Variants in PTPRO observed in about 807,000 individuals in gnomAD.
PTPRO encodes the protein receptor-type tyrosine-protein phosphatase O.
In PTPRO, 62 loss-of-function variants were observed where a neutral mutation model predicts 145.2. The observed-to-expected ratio is 0.43, with a 90% confidence interval of 0.35 to 0.53. PTPRO has a LOEUF of 0.53. Among genes scored for constraint, PTPRO ranks in the 20% least tolerant of loss-of-function variants. The pLI is 0.01. For missense variants in PTPRO, 1,345 were observed against 1,482.7 expected (o/e 0.91, Z 1.53); for synonymous variants, 565 against 514.7 (o/e 1.10, Z -1.32).
chr12:15,461,994 C>A (rs1035491733), intron 1 of PTPRO, among the ~76,000 whole-genome samples: 18 of 152,242 alleles, frequency 1.2e-4, no homozygotes, highest in African/African-American at 4.1e-4. Context: ...AACACTTTAA[C>A]AGCCCCAAGG....
chr12:15,388,806 G>C (rs757667279), intron 1 of PTPRO, among the ~76,000 whole-genome samples: 2 of 152,002 alleles, frequency 1.3e-5, no homozygotes, highest in African/African-American at 2.4e-5. Context: ...AAATAATTTT[G>C]TTCTCTGAAA....
At chr12:15,481,762 A>G (rs1229514115) in intron 1 of PTPRO, among the ~76,000 whole-genome samples, 1 of 152,226 alleles carries the variant, frequency 6.6e-6, no homozygotes, top group Non-Finnish European at 1.5e-5. Flanking sequence ...GCCTGTAAAA[A>G]CTGGATTTCT....
intron 17 of PTPRO, 49 bp downstream of exon 17, chr12:15,560,325 T>C (rs566278803): frequency 1.5e-6 from 2 of 1,374,598 alleles, no homozygotes; most frequent in East Asian, 4.6e-5. Flanking sequence ...AAAAGTTAGC[T>C]TTCAAGAAGT....
At chr12:15,376,118 A>G (rs1409857593) in intron 1 of PTPRO, among the ~76,000 whole-genome samples, 3 of 152,172 alleles carry the variant, frequency 2.0e-5, no homozygotes, top group African/African-American at 4.8e-5. Flanking sequence ...AAACTCCCCA[A>G]ATTTGATGAA....
Position 15,586,997 on chromosome 12 carries a change from A to G in PTPRO, c.3356A>G (p.His1119Arg). The G allele has an allele frequency of 6.2e-7, 1 of 1,614,102 alleles. No individual in the cohort carries two copies. The highest frequency in any genetic ancestry group is 8.5e-7 in the Non-Finnish European group (1 of 1,179,986). ...GCAGAAAGTATCCTGCAGTTTGTACACATGGTCCGACAGCAAGCTACCAAG... is the reference window on the plus strand; with the variant it reads ...GCAGAAAGTATCCTGCAGTTTGTACGCATGGTCCGACAGCAAGCTACCAAG... ...NAAESILQFV[H>R]MVRQQATKSK... Residue 1119 changes from histidine to arginine, a missense_variant, in exon 24 of 27, where the codon CAC (histidine) becomes CGC (arginine). Transcript: ENST00000281171.
chr12:15,534,628 A>G (rs1943030562), intron 12 of PTPRO, among the ~76,000 whole-genome samples: 1 of 152,206 alleles, frequency 6.6e-6, no homozygotes, highest in Non-Finnish European at 1.5e-5. Flanking sequence ...CTGAATAACA[A>G]GAAGAACCAG....
At chr12:15,523,081 A>G (rs1942760952) in intron 10 of PTPRO, among the ~76,000 whole-genome samples, 1 of 152,206 alleles carries the variant, frequency 6.6e-6, no homozygotes, top group Non-Finnish European at 1.5e-5. Context: ...TGATCTTTCA[A>G]GATTTTATTG....
At chr12:15,590,250 G>A (rs750833715) in intron 25 of PTPRO, among the ~76,000 whole-genome samples, 8 of 152,098 alleles carry the variant, frequency 5.3e-5, no homozygotes, top group Non-Finnish European at 1.2e-4. Context: ...AGTCTGGAGC[G>A]ACAACCCAAG....
chr12:15,557,461 T>C lies in PTPRO; in HGVS notation c.2565T>C (p.Cys855=), dbSNP rs971945756. 3 of 1,613,826 alleles carry C rather than the reference T, an allele frequency of 1.9e-6. No individual in the cohort carries two copies. The highest frequency in any genetic ancestry group is 2.5e-6 in the Non-Finnish European group (3 of 1,179,732). Residue 855 remains cysteine (C), a synonymous_variant, in exon 16 of 27, where the codon TGT becomes TGC. Coordinates refer to ENST00000281171, the MANE Select transcript of PTPRO (RefSeq NM_030667.3). ...TGTGGTTCCTTTAAAACAGGGAGTGTGGAGCTGGTACATTTGTCAATTTTG... is the reference window on the plus strand; with the variant it reads ...TGTGGTTCCTTTAAAACAGGGAGTGCGGAGCTGGTACATTTGTCAATTTTG... ...RKKHLQMARE[C]GAGTFVNFAS...
intron 1 of PTPRO, among the ~76,000 whole-genome samples, chr12:15,435,225 G>A (rs1940562752): frequency 6.6e-6 from 1 of 152,098 alleles, no homozygotes; most frequent in East Asian, 1.9e-4. Context: ...AAATATGACA[G>A]ATCTTTCAAA....
At chr12:15,504,694 A>G (rs61908057) in intron 6 of PTPRO, among the ~76,000 whole-genome samples, 1 of 152,182 alleles carries the variant, frequency 6.6e-6, no homozygotes, top group African/African-American at 2.4e-5. Flanking sequence ...GGAAGTATAG[A>G]GGTCAAAAAT....
intron 14 of PTPRO, among the ~76,000 whole-genome samples, 162 bp downstream of exon 14, chr12:15,549,388 C>T (rs528696273): frequency 1.3e-5 from 2 of 152,000 alleles, no homozygotes; most frequent in Admixed American, 6.6e-5. Flanking sequence ...TAGAGAAAGA[C>T]ATTTGGTGCC....
At chr12:15,481,720 G>T (rs949693059) in intron 1 of PTPRO, among the ~76,000 whole-genome samples, 4 of 152,128 alleles carry the variant, frequency 2.6e-5, no homozygotes, top group South Asian at 2.1e-4. Context: ...AATTAAATTT[G>T]TTTATGCCAG....
intron 1 of PTPRO, among the ~76,000 whole-genome samples, chr12:15,473,343 G>C (rs576297342): frequency 8.5e-5 from 13 of 152,116 alleles, no homozygotes; most frequent in Non-Finnish European, 1.6e-4. Flanking sequence ...TTGCCACTTA[G>C]CTCATGCTTG....
chr12:15,589,365 G>C, intron 24 of PTPRO, 90 bp from the exon 25 acceptor site: 5 of 1,548,322 alleles, frequency 3.2e-6, no homozygotes, highest in Non-Finnish European at 4.4e-6. Context: ...AACAGAGCAA[G>C]ACTCCATCTC....
intron 1 of PTPRO, among the ~76,000 whole-genome samples, chr12:15,413,038 C>T (rs113089814): frequency 0.034 from 5,214 of 152,188 alleles, 303 homozygotes; most frequent in African/African-American, 0.12. Context: ...GGTGATCCAC[C>T]CGCCTCAGCC....
In PTPRO at chr12:15,417,755, G is replaced by A. The variant is rs916950195; in HGVS notation, c.76-66219G>A. ...GTGTGACTAAAGGAATGATCTCAGTGTTGGTCTGTCCTAAATTTTCCTTTG... is the reference window on the plus strand; with the variant it reads ...GTGTGACTAAAGGAATGATCTCAGTATTGGTCTGTCCTAAATTTTCCTTTG... On this transcript the variant is annotated intron_variant, in intron 1 of 26. Coordinates refer to ENST00000281171, the MANE Select transcript of PTPRO (RefSeq NM_030667.3). 2.0e-5 allele frequency among the ~76,000 whole-genome samples: 3 copies of A among 151,760 alleles called. 1 individual carries two copies. Among genetic ancestry groups the A allele is most frequent in the African/African-American group, 7.3e-5 (3 of 41,018 alleles).
intron 1 of PTPRO, among the ~76,000 whole-genome samples, chr12:15,404,136 C>A (rs145961327): frequency 1.7e-4 from 25 of 146,866 alleles, no homozygotes; most frequent in African/African-American, 6.1e-4. Flanking sequence ...TTGCAGTGAG[C>A]CGAGATCTCG....
intron 1 of PTPRO, among the ~76,000 whole-genome samples, chr12:15,323,275 C>T (rs1430761032): frequency 6.6e-6 from 1 of 152,106 alleles, no homozygotes; most frequent in African/African-American, 2.4e-5. Flanking sequence ...ACTGCCAGGG[C>T]TACGTTAGGG....
Sources: allele counts gnomAD v4.1 joint callset (sites outside exome capture counted in the v4.1 genomes callset), GRCh38; gene constraint gnomAD v4.1.1; transcripts MANE v1.5; gene names NCBI Gene and HGNC (gene_info 2026-07-23, HGNC 2026-07-21).